KIF13A: variants seen among roughly 807,000 people sequenced by gnomAD.
KIF13A encodes the protein kinesin-like protein KIF13A.
KIF13A carries 79 observed loss-of-function variants against 212.2 expected under a neutral mutation model. The ratio of observed to expected loss-of-function variants is 0.37; its 90% CI spans 0.31 to 0.45. KIF13A has a LOEUF of 0.45. Ranked by LOEUF, KIF13A falls within the 20% of genes least tolerant of loss-of-function variation. The pLI is 1.00. For missense variants in KIF13A, 1,901 were observed against 2,209.0 expected (o/e 0.86, Z 2.79); for synonymous variants, 789 against 808.6 (o/e 0.98, Z 0.41).
In KIF13A at chr6:17,794,508, A is replaced by G. The variant is rs1761868268; in HGVS notation, c.3075+64T>C. 18 of 1,565,100 alleles carry G rather than the reference A, an allele frequency of 1.2e-5. No individual in the cohort carries two copies. The highest frequency in any genetic ancestry group is 1.6e-5 in the Non-Finnish European group (18 of 1,155,228). ...ATACAAATAGTTAGAAAATCCCCAG[A>G]AACAATGTGTAAGAGTGGAACAGAG... On this transcript the variant is annotated intron_variant, in intron 24 of 38. Transcript: ENST00000259711. This position sits in a 1 kb window ranked among gnomAD's most constrained non-coding sequence, Gnocchi z 4.1.
chr6:17,957,483 C>A (rs1054494486), intron 2 of KIF13A, among the ~76,000 whole-genome samples: 4 of 152,170 alleles, frequency 2.6e-5, no homozygotes, highest in African/African-American at 9.7e-5. Flanking sequence ...TAAGTGCTCC[C>A]CTGAGTTCTG....
In KIF13A at chr6:17,816,587, G is replaced by C. The variant is rs1763975785; in HGVS notation, c.2000+433C>G. On this transcript the variant is annotated intron_variant, in intron 17 of 38. Transcript: ENST00000259711. The surrounding 1 kb of genome is among the most constrained non-coding windows in gnomAD (Gnocchi z 4.3). ...CCCGCCTCAGCCTCCCCAAGTGCTA[G>C]GATTACAGGTGTGAGCCACTGCACC... Among the ~76,000 whole-genome samples, 1 of 152,146 alleles carries C rather than the reference G, an allele frequency of 6.6e-6. No individual in the cohort carries two copies. The highest frequency in any genetic ancestry group is 2.4e-5 in the African/African-American group (1 of 41,420).
chr6:17,780,822 G>A lies in KIF13A; in HGVS notation c.3754C>T (p.Leu1252=), dbSNP rs917473161. 1.2e-6 allele frequency: 2 copies of A among 1,613,762 alleles called. No homozygotes were observed. Among genetic ancestry groups the A allele is most frequent in the East Asian group, 2.2e-5 (1 of 44,894 alleles). ...RVTPQNERIY[L]IVKTTVQLSH... is the part of the protein sequence containing the mutation. ...AGTTGAACTGTGGTTTTCACAATTA[G>A]GTAAATCCTTTCATTCTGTGGTGTG... Residue 1252 remains leucine (L), a synonymous_variant, in exon 31 of 39, where the codon CTA becomes TTA. Transcript: ENST00000259711.
In KIF13A at chr6:17,838,390, G is replaced by A. The variant is rs896188957; in HGVS notation, c.831-807C>T. ...ACACAAACTAGCAAGTGAAAGACTA[G>A]ACAGCTTTCTTTGTAATGTTAACAA... On this transcript the variant is annotated intron_variant, in intron 9 of 38. Transcript: ENST00000259711. The surrounding 1 kb of genome is among the most constrained non-coding windows in gnomAD (Gnocchi z 4.2). Among the ~76,000 whole-genome samples, 2 of 151,618 alleles carry A rather than the reference G, an allele frequency of 1.3e-5. No homozygotes were observed. The highest frequency in any genetic ancestry group is 3.9e-4 in the East Asian group (2 of 5,166).
At chr6:17,815,814 T>C (rs1422592022) in intron 17 of KIF13A, among the ~76,000 whole-genome samples, 1 of 152,072 alleles carries the variant, frequency 6.6e-6, no homozygotes, top group Admixed American at 6.6e-5. Flanking sequence ...CCTTGGCACC[T>C]GGGTGGCTTG....
intron 4 of KIF13A, among the ~76,000 whole-genome samples, chr6:17,862,969 CAAACAAAA>C (rs1768975029): frequency 6.6e-6 from 1 of 151,796 alleles, no homozygotes; most frequent in African/African-American, 2.4e-5. Flanking sequence ...AACAAACAAA[CAAACAAAA>C]AAACAAAATT....
chr6:17,893,544 C>A (rs1561730823), intron 3 of KIF13A, among the ~76,000 whole-genome samples: 1 of 152,122 alleles, frequency 6.6e-6, no homozygotes, highest in Non-Finnish European at 1.5e-5. Context: ...TATACTTTTG[C>A]TACTTCCTTT....
intron 2 of KIF13A, among the ~76,000 whole-genome samples, chr6:17,913,222 A>G (rs1774224301): frequency 6.6e-6 from 1 of 151,870 alleles, no homozygotes; most frequent in South Asian, 2.1e-4. Flanking sequence ...GGATTACGGG[A>G]GGAGCAGGGA....
chr6:17,979,538 C>A (rs1400334568), intron 2 of KIF13A, among the ~76,000 whole-genome samples: 1 of 152,106 alleles, frequency 6.6e-6, no homozygotes, highest in Non-Finnish European at 1.5e-5. Context: ...TGAATCTAAG[C>A]ACTGAGAACA....
chr6:17,810,513 C>T (rs561548745), intron 17 of KIF13A, among the ~76,000 whole-genome samples: 4 of 152,366 alleles, frequency 2.6e-5, no homozygotes, highest in African/African-American at 9.6e-5. Context: ...ACATGGAAGA[C>T]AACTTTTCCA....
intron 38 of KIF13A, among the ~76,000 whole-genome samples, chr6:17,765,760 T>C (rs181729335): frequency 6.6e-6 from 1 of 152,282 alleles, no homozygotes; most frequent in East Asian, 1.9e-4. Flanking sequence ...TTATATTTGG[T>C]AGAAAAAATG....
Position 17,783,738 on chromosome 6 carries a change from T to C in KIF13A, c.3489-37A>G, listed in dbSNP as rs780331964. On this transcript the variant is annotated intron_variant, in intron 28 of 38. Transcript: ENST00000259711. This position sits in a 1 kb window ranked among gnomAD's most constrained non-coding sequence, Gnocchi z 4.3. ...AACAACATTTAATCATAACAAAATATGTATTTTACATCTTGTTAGCTGATA... is the reference window on the plus strand; with the variant it reads ...AACAACATTTAATCATAACAAAATACGTATTTTACATCTTGTTAGCTGATA... 6 of 1,343,102 alleles carry C rather than the reference T, an allele frequency of 4.5e-6. No individual in the cohort carries two copies. The African/African-American group carries it at 5.8e-5, about 13-fold the overall frequency. The allele number at this position is 1,343,102 out of a possible 1,614,324, so 83.2% of individuals were successfully genotyped here.
rs758497844 is a variant in KIF13A at position 17,796,767 on chromosome 6, T to G, written c.2844A>C (p.Ala948=). 1.1e-5 allele frequency: 18 copies of G among 1,581,356 alleles called. No homozygotes were observed. Among genetic ancestry groups the G allele is most frequent in the Non-Finnish European group, 1.5e-5 (18 of 1,161,746 alleles). The change falls in exon 23 of 39, where the codon GCA becomes GCC. Residue 948 remains alanine (A), a synonymous_variant. Transcript: ENST00000259711. ...GGTGGCCCCATACTTCAATGGCCAG[T>G]GCTCCATCTGAAATGAACTCCAGAA... ...EEFLEFISDG[A]LAIEVWGHRC...
chr6:17,938,176 T>C (rs1776646431), intron 2 of KIF13A, among the ~76,000 whole-genome samples: 1 of 152,202 alleles, frequency 6.6e-6, no homozygotes, highest in Admixed American at 6.5e-5. Context: ...ATTACAGGCA[T>C]GAGCCACCAC....
rs1759497439 is a variant in KIF13A at position 17,771,552 on chromosome 6, C to T, written c.4477-334G>A. 2.8e-6 allele frequency: 1 copy of T among 352,620 alleles called. No homozygotes were observed. Among genetic ancestry groups the T allele is most frequent in the African/African-American group, 2.1e-5 (1 of 47,696 alleles). The allele number at this position is 352,620 out of a possible 1,614,324, so 21.8% of individuals were successfully genotyped here. A position where few individuals can be genotyped will look rare whatever the true frequency, so the allele number is the denominator to read the frequency against. On this transcript the variant is annotated intron_variant, in intron 37 of 38. Coordinates refer to ENST00000259711, the MANE Select transcript of KIF13A (RefSeq NM_022113.6). The surrounding 1 kb of genome is among the most constrained non-coding windows in gnomAD (Gnocchi z 5.4). ...GACCAGCCTGGGCAACACAGCAAGA[C>T]CCTATCTCTATAAAAAACAAAATCA... is the stretch of plus-strand genomic sequence containing the variant.
chr6:17,862,324 C>T (rs1422396457), intron 4 of KIF13A, among the ~76,000 whole-genome samples: 4 of 152,190 alleles, frequency 2.6e-5, no homozygotes, highest in African/African-American at 9.6e-5. Flanking sequence ...AGGTAAAGTA[C>T]TTACCATAGT....
chr6:17,827,099 T>A (rs1015288424), intron 14 of KIF13A, among the ~76,000 whole-genome samples: 1 of 151,840 alleles, frequency 6.6e-6, no homozygotes, highest in African/African-American at 2.4e-5. Context: ...ATAAAATAAT[T>A]TTTTTTCTTT....
At chr6:17,851,526 G>A (rs188180980) in intron 7 of KIF13A, among the ~76,000 whole-genome samples, 19 of 152,238 alleles carry the variant, frequency 1.2e-4, no homozygotes, top group African/African-American at 3.4e-4. Context: ...AAAACAGGCC[G>A]GTCAATGGCA....
chr6:17,959,619 T>C (rs1330023197), intron 2 of KIF13A, among the ~76,000 whole-genome samples: 2 of 152,212 alleles, frequency 1.3e-5, no homozygotes, highest in Non-Finnish European at 2.9e-5. Flanking sequence ...AGAGTACTCC[T>C]CTTCAGGCAG....
Sources: allele counts gnomAD v4.1 joint callset (sites outside exome capture counted in the v4.1 genomes callset), GRCh38; gene constraint gnomAD v4.1.1; non-coding constraint Gnocchi (gnomAD v3.1); transcripts MANE v1.5; gene names NCBI Gene and HGNC (gene_info 2026-07-23, HGNC 2026-07-21).